The following KYAT3 variants were observed in gnomAD, a reference collection of about 807,000 sequenced individuals.
The protein encoded by KYAT3 is kynurenine--oxoglutarate transaminase 3.
Under a neutral mutation model 59.0 loss-of-function variants are expected in KYAT3, and 50 were observed. The ratio of observed to expected loss-of-function variants is 0.85; its 90% CI spans 0.68 to 1.07. KYAT3 has a LOEUF of 1.07. Among genes scored for constraint, KYAT3 ranks in the 50% least tolerant of loss-of-function variants. The pLI, the probability that KYAT3 is intolerant of heterozygous loss-of-function variation, is 0.00. For missense variants in KYAT3, 497 were observed against 533.3 expected (o/e 0.93, Z 0.67); for synonymous variants, 148 against 177.0 (o/e 0.84, Z 1.30).
chr1:88,991,214 G>A (rs1677775736), intron 1 of KYAT3, among the ~76,000 whole-genome samples: 1 of 152,146 alleles, frequency 6.6e-6, no homozygotes, highest in Admixed American at 6.5e-5. Context: ...TTGGGGGGCC[G>A]AATATAAAGC....
At chr1:88,927,577 C>T in the KYAT3 span, among the ~76,000 whole-genome samples, 2 of 151,948 alleles carry the variant, frequency 1.3e-5, no homozygotes, top group East Asian at 3.9e-4. Flanking sequence ...CTAATAAGGA[C>T]CCCCCTTCAA....
chr1:88,988,196 T>G, intron 2 of KYAT3, 56 bp downstream of exon 2: 1 of 1,123,760 alleles, frequency 8.9e-7, no homozygotes, highest in Non-Finnish European at 1.3e-6. Context: ...AATTACATAT[T>G]TTTTGGACAG....
At chr1:88,975,602 G>T (rs1484812265) in intron 2 of KYAT3, among the ~76,000 whole-genome samples, 8 of 152,208 alleles carry the variant, frequency 5.3e-5, no homozygotes, top group Non-Finnish European at 1.0e-4. Context: ...TAGTCATCTG[G>T]TTCTATCAAA....
At chr1:88,954,830 C>T (rs997565220) in intron 9 of KYAT3, among the ~76,000 whole-genome samples, 1 of 152,216 alleles carries the variant, frequency 6.6e-6, no homozygotes, top group Non-Finnish European at 1.5e-5. Context: ...GGCTGGAGCG[C>T]AGCTCACAGC....
chr1:88,944,085 C>A (rs1052877726), intron 11 of KYAT3, among the ~76,000 whole-genome samples: 1 of 152,080 alleles, frequency 6.6e-6, no homozygotes, highest in African/African-American at 2.4e-5. Context: ...TTTGCTCTTG[C>A]CTCAATTTTG....
chr1:88,988,729 T>A (rs1333575571), intron 1 of KYAT3, among the ~76,000 whole-genome samples: 1 of 152,182 alleles, frequency 6.6e-6, no homozygotes, highest in Admixed American at 6.5e-5. Flanking sequence ...AATTTCAGAA[T>A]CCTCTGGATA....
At chr1:88,983,536 G>C in intron 2 of KYAT3, 1 of 1,588,296 alleles carries the variant, frequency 6.3e-7, no homozygotes, top group Non-Finnish European at 8.6e-7. Context: ...TTGGAGGTGG[G>C]GGCGGTCCAT....
chr1:88,985,230 AG>A (rs1296629168), intron 2 of KYAT3, among the ~76,000 whole-genome samples: 1 of 152,214 alleles, frequency 6.6e-6, no homozygotes, highest in African/African-American at 2.4e-5. Flanking sequence ...GAGTAAGTGA[AG>A]GGAGTGCGTG....
chr1:88,935,579 A>G (rs1193843466), downstream of KYAT3, among the ~76,000 whole-genome samples: 1 of 152,212 alleles, frequency 6.6e-6, no homozygotes, highest in Non-Finnish European at 1.5e-5. Context: ...AAGTATGGAA[A>G]GCCTGGCTAA....
At chr1:88,946,289 G>A (rs1675439038) in intron 11 of KYAT3, among the ~76,000 whole-genome samples, 1 of 151,358 alleles carries the variant, frequency 6.6e-6, no homozygotes, top group Non-Finnish European at 1.5e-5. Flanking sequence ...CTAGGTGACT[G>A]AAATATTTGC....
Position 88,943,354 on chromosome 1 carries a change from T to C in KYAT3, c.1211A>G (p.His404Arg). Residue 404 changes from histidine (H) to arginine (R), a missense_variant, in exon 12 of 14, where the codon CAT becomes CGT. His to Arg is a conservative substitution (Grantham distance 29, BLOSUM62 0). Around this residue, in one of 2 missense-constraint regions of KYAT3, gnomAD observed 469 missense variants for 479.1 expected, o/e 0.98. Transcript: ENST00000260508. ...DYKFVKWMTKHKKLSAIPVSA... is the reference protein window; with the variant it reads ...DYKFVKWMTKRKKLSAIPVSA... ...GCAAAGAACAATAAACATTACCTTA[T>C]GTTTAGTCATCCATTTCACAAACTT... 1.3e-6 allele frequency: 2 copies of C among 1,515,432 alleles called. No individual in the cohort carries two copies. The highest frequency in any genetic ancestry group is 9.1e-7 in the Non-Finnish European group (1 of 1,098,980). 93.9% of individuals were successfully genotyped at this position (1,515,432 alleles called of 1,614,324 possible). A position where few individuals can be genotyped will look rare whatever the true frequency, so the allele number is the denominator to read the frequency against.
intron 13 of KYAT3, 37 bp from the exon 14 acceptor site, chr1:88,936,282 A>C: frequency 4.4e-6 from 6 of 1,370,056 alleles, no homozygotes; most frequent in Non-Finnish European, 6.2e-6. Context: ...TATTACAGAT[A>C]TACATAAATT....
At chr1:88,951,897 T>C (rs1206672018) in intron 10 of KYAT3, among the ~76,000 whole-genome samples, 2 of 152,090 alleles carry the variant, frequency 1.3e-5, no homozygotes, top group African/African-American at 4.8e-5. Context: ...AGATTATCCT[T>C]AATTAATTGG....
At chr1:88,939,680 A>C (rs1428139322) in intron 13 of KYAT3, among the ~76,000 whole-genome samples, 2 of 152,176 alleles carry the variant, frequency 1.3e-5, no homozygotes, top group Non-Finnish European at 2.9e-5. Context: ...TATTTTAAAA[A>C]TTATTTGTTC....
intron 2 of KYAT3, among the ~76,000 whole-genome samples, chr1:88,978,389 G>A (rs1045292242): frequency 1.3e-5 from 2 of 151,930 alleles, no homozygotes; most frequent in African/African-American, 4.8e-5. Context: ...CACCCAGGCT[G>A]TGGCAGTGCC....
chr1:88,978,056 GATATGTATGTATATAATATATACAC>G (rs1676875505), intron 2 of KYAT3, among the ~76,000 whole-genome samples: 2 of 151,880 alleles, frequency 1.3e-5, no homozygotes, highest in South Asian at 4.1e-4. Context: ...ATTGTATATA[GATATGTATGTATATAATATATACAC>G]ATATGTATAT....
intron 4 of KYAT3, 145 bp from the exon 5 acceptor site, chr1:88,965,123 C>A (rs1489820729): frequency 1.6e-5 from 10 of 609,500 alleles, no homozygotes. Context: ...TTTTTAATGG[C>A]AATAAATTTT....
At chr1:88,976,134 G>A (rs948772049) in intron 2 of KYAT3, among the ~76,000 whole-genome samples, 4 of 152,024 alleles carry the variant, frequency 2.6e-5, no homozygotes, top group South Asian at 4.2e-4. Flanking sequence ...TGAGGCAGGC[G>A]GATCACAAGG....
At chr1:88,921,117 A>G in the KYAT3 span, among the ~76,000 whole-genome samples, 3 of 152,352 alleles carry the variant, frequency 2.0e-5, no homozygotes, top group Non-Finnish European at 2.9e-5. Context: ...AACTGCTTCC[A>G]GAGTTCCAGT....
Sources: allele counts gnomAD v4.1 joint callset (sites outside exome capture counted in the v4.1 genomes callset), GRCh38; gene constraint gnomAD v4.1.1; regional missense constraint gnomAD v4.1.1; transcripts MANE v1.5; gene names NCBI Gene and HGNC (gene_info 2026-07-23, HGNC 2026-07-21).